The following GPC5 variants were observed in gnomAD, a reference collection of about 807,000 sequenced individuals.
The protein encoded by GPC5 is glypican 5.
GPC5 carries 47 observed loss-of-function variants against 53.9 expected under a neutral mutation model. The ratio of observed to expected loss-of-function variants is 0.87; its 90% CI spans 0.69 to 1.11. The LOEUF is 1.11. Among genes scored for constraint, GPC5 ranks in the 50% most tolerant of loss-of-function variants. The pLI is 0.00. For missense variants in GPC5, 748 were observed against 713.1 expected, an observed-to-expected ratio of 1.05 and a Z score of -0.56; for synonymous variants, 286 against 263.3, an observed-to-expected ratio of 1.09 and a Z score of -0.84.
At chr13:91,993,117 A>C (rs2040472025) in intron 6 of GPC5, among the ~76,000 whole-genome samples, 1 of 152,180 alleles carries the variant, frequency 6.6e-6, no homozygotes, top group South Asian at 2.1e-4. Flanking sequence ...CATATTGTTC[A>C]TGTACCTTTG....
At chr13:91,695,138 C>T (rs1032975468) in intron 3 of GPC5, among the ~76,000 whole-genome samples, 4 of 152,126 alleles carry the variant, frequency 2.6e-5, no homozygotes, top group Non-Finnish European at 4.4e-5. Context: ...ATTTAACTCC[C>T]TGCTTCATTC....
chr13:91,886,062 A>C (rs998980289), intron 5 of GPC5, among the ~76,000 whole-genome samples: 2 of 152,128 alleles, frequency 1.3e-5, no homozygotes, highest in African/African-American at 4.8e-5. Flanking sequence ...GTCTATTTTC[A>C]TACTGCTATA....
chr13:91,725,357 G>GT (rs979831886), intron 3 of GPC5, among the ~76,000 whole-genome samples: 64 of 152,290 alleles, frequency 4.2e-4, no homozygotes, highest in African/African-American at 1.5e-3. Flanking sequence ...AATTGTCAAC[G>GT]TAAGTGTGAA....
At chr13:92,457,200 G>C (rs910801397) in intron 7 of GPC5, among the ~76,000 whole-genome samples, 1 of 152,036 alleles carries the variant, frequency 6.6e-6, no homozygotes, top group African/African-American at 2.4e-5. Flanking sequence ...CATCTGTGTA[G>C]GATTCATAGT....
intron 6 of GPC5, among the ~76,000 whole-genome samples, chr13:92,053,854 A>G (rs2041051156): frequency 6.6e-6 from 1 of 151,652 alleles, no homozygotes; most frequent in South Asian, 2.1e-4. Flanking sequence ...ACATGGTGAA[A>G]CCCCGTCTCT....
intron 7 of GPC5, among the ~76,000 whole-genome samples, chr13:92,672,755 C>T (rs1886794653): frequency 6.6e-6 from 1 of 152,090 alleles, no homozygotes; most frequent in Admixed American, 6.5e-5. Flanking sequence ...GAGCTGGAGG[C>T]CATTATCCTT....
Position 91,604,076 on chromosome 13 carries a change from A to G in GPC5, c.326-89111A>G, listed in dbSNP as rs543928484. Among the ~76,000 whole-genome samples, 115 of 148,248 alleles carry G rather than the reference A, an allele frequency of 7.8e-4. 1 individual carries two copies. Among genetic ancestry groups the G allele is most frequent in the African/African-American group, 2.8e-3 (112 of 39,798 alleles). The stretch of plus-strand genomic sequence containing the variant: ...ACTAACTCGTCATCTAGCATTAGGT[A>G]TATCTCCCGATGCTATCCCTCCCCC... On this transcript the variant is annotated intron_variant, in intron 2 of 7. Transcript: ENST00000377067.
intron 7 of GPC5, among the ~76,000 whole-genome samples, chr13:92,809,223 T>A (rs1350838991): frequency 6.6e-6 from 1 of 152,180 alleles, no homozygotes; most frequent in African/African-American, 2.4e-5. Flanking sequence ...ACTGGTATTA[T>A]GCTGATGAAA....
chr13:91,948,182 C>A (rs1229363877), intron 6 of GPC5, among the ~76,000 whole-genome samples: 1 of 149,426 alleles, frequency 6.7e-6, no homozygotes, highest in East Asian at 2.0e-4. Flanking sequence ...GAGCCGCGAT[C>A]GCACCACTGC....
At chr13:92,114,251 C>G (rs542426220) in intron 6 of GPC5, among the ~76,000 whole-genome samples, 2 of 152,270 alleles carry the variant, frequency 1.3e-5, no homozygotes, top group East Asian at 3.9e-4. Flanking sequence ...CATTTCCCAC[C>G]CCACGTGTGA....
intron 5 of GPC5, among the ~76,000 whole-genome samples, chr13:91,903,327 T>C (rs909846111): frequency 6.6e-6 from 1 of 152,104 alleles, no homozygotes; most frequent in Non-Finnish European, 1.5e-5. Flanking sequence ...GTCCAGTTTG[T>C]GGTTATTTTG....
chr13:92,104,202 C>CA (rs2138916583), intron 6 of GPC5, among the ~76,000 whole-genome samples: 2 of 152,168 alleles, frequency 1.3e-5, no homozygotes, highest in East Asian at 3.9e-4. Flanking sequence ...CCACGTATCC[C>CA]AATGAATGGC....
At chr13:92,527,322 G>T (rs1275123819) in intron 7 of GPC5, among the ~76,000 whole-genome samples, 2 of 151,918 alleles carry the variant, frequency 1.3e-5, no homozygotes, top group African/African-American at 4.8e-5. Flanking sequence ...AGAACTCTGG[G>T]ACCTACCATA....
chr13:92,275,081 T>A (rs1021463235), intron 7 of GPC5, among the ~76,000 whole-genome samples: 2 of 127,334 alleles, frequency 1.6e-5, no homozygotes, highest in African/African-American at 5.5e-5. Flanking sequence ...TTTATTCATA[T>A]TTTTTTCACT....
intron 2 of GPC5, among the ~76,000 whole-genome samples, chr13:91,575,702 T>C (rs540455494): frequency 6.6e-6 from 1 of 152,216 alleles, no homozygotes; most frequent in Non-Finnish European, 1.5e-5. Context: ...TTAGTTTTAA[T>C]GAAATACAAT....
intron 7 of GPC5, among the ~76,000 whole-genome samples, chr13:92,802,403 GTATT>G (rs1055811082): frequency 2.6e-5 from 4 of 151,324 alleles, no homozygotes; most frequent in East Asian, 1.9e-4. Context: ...TTTTGTATGT[GTATT>G]TATTTATTTG....
At chr13:91,621,257 T>G (rs2033847545) in intron 2 of GPC5, among the ~76,000 whole-genome samples, 1 of 152,168 alleles carries the variant, frequency 6.6e-6, no homozygotes, top group African/African-American at 2.4e-5. Context: ...AGTCACCGAC[T>G]ATTAAAAATA....
intron 7 of GPC5, among the ~76,000 whole-genome samples, chr13:92,822,150 T>A (rs1457560526): frequency 6.6e-6 from 1 of 152,146 alleles, no homozygotes; most frequent in Non-Finnish European, 1.5e-5. Context: ...AGGTTAAATA[T>A]GTTAAGTGTA....
At chr13:92,054,868 A>G (rs1019911304) in intron 6 of GPC5, among the ~76,000 whole-genome samples, 1 of 152,162 alleles carries the variant, frequency 6.6e-6, no homozygotes, top group Non-Finnish European at 1.5e-5. Context: ...ATATGCTTTG[A>G]CTTTATTTCT....
Sources: allele counts gnomAD v4.1 joint callset (sites outside exome capture counted in the v4.1 genomes callset), GRCh38; gene constraint gnomAD v4.1.1; transcripts MANE v1.5; gene names NCBI Gene and HGNC (gene_info 2026-07-23, HGNC 2026-07-21).